Variants in RBFOX1 observed in about 807,000 individuals in gnomAD.
The protein encoded by RBFOX1 is RNA binding protein fox-1 homolog 1.
In RBFOX1, 8 loss-of-function variants were observed where a neutral mutation model predicts 57.7. The observed-to-expected ratio is 0.14, with a 90% CI of 0.08 to 0.25. The LOEUF is 0.25. Among genes scored for constraint, RBFOX1 ranks in the 10% least tolerant of loss-of-function variants. The pLI is 1.00. For missense variants in RBFOX1, 611 were observed against 548.5 expected (o/e 1.11, Z -1.14); for synonymous variants, 326 against 222.4 (o/e 1.47, Z -4.15).
chr16:6,819,621 C>T (rs1003950619), intron 3 of RBFOX1, among the ~76,000 whole-genome samples: 1 of 134,916 alleles, frequency 7.4e-6, no homozygotes, highest in Admixed American at 8.5e-5. Flanking sequence ...AGGAGAATTG[C>T]TTGAACCTGG....
At chr16:7,463,676 T>G (rs1230822491) in intron 4 of RBFOX1, among the ~76,000 whole-genome samples, 2 of 152,142 alleles carry the variant, frequency 1.3e-5, no homozygotes. Flanking sequence ...CTTTGCCATG[T>G]AAGGTAACAT....
rs867256056 is a variant in RBFOX1, at chr16:7,436,204, C to G, written c.28-81943C>G. ...TTATATTTTTTCAGTAGAAGTCATT[C>G]TATTCTTATTGTTTTTGTTTTTATT... On this transcript the variant is annotated intron_variant, in intron 4 of 15. Coordinates refer to ENST00000550418, the MANE Select transcript of RBFOX1 (RefSeq NM_018723.4). Among the ~76,000 whole-genome samples the G allele has an allele frequency of 3.3e-5, 5 of 152,106 alleles. No individual in the cohort carries two copies. In the South Asian group the frequency reaches 6.2e-4, roughly 19 times the overall value.
chr16:7,221,950 C>A (rs1440038806), intron 4 of RBFOX1, among the ~76,000 whole-genome samples: 1 of 152,184 alleles, frequency 6.6e-6, no homozygotes, highest in Non-Finnish European at 1.5e-5. Flanking sequence ...GAAGAGGCTT[C>A]TAAGTCTTGG....
intron 4 of RBFOX1, among the ~76,000 whole-genome samples, chr16:7,250,193 G>A (rs1375989699): frequency 6.6e-6 from 1 of 152,132 alleles, no homozygotes; most frequent in Non-Finnish European, 1.5e-5. Flanking sequence ...AAATTCAAAT[G>A]TGGTGTTTCT....
At chr16:5,593,991 G>C (rs1363903147) in intron 2 of RBFOX1, among the ~76,000 whole-genome samples, 1 of 151,356 alleles carries the variant, frequency 6.6e-6, no homozygotes, top group African/African-American at 2.4e-5. Context: ...CCCCCATCCT[G>C]CCCCCACACC....
At chr16:5,694,256 C>T (rs887678944) in intron 3 of RBFOX1, among the ~76,000 whole-genome samples, 1 of 152,134 alleles carries the variant, frequency 6.6e-6, no homozygotes, top group African/African-American at 2.4e-5. Flanking sequence ...GCCTCAATTT[C>T]CAAGACTGTG....
intron 3 of RBFOX1, among the ~76,000 whole-genome samples, chr16:5,652,666 G>A (rs564070655): frequency 2.6e-5 from 4 of 152,230 alleles, no homozygotes; most frequent in African/African-American, 9.6e-5. Context: ...TGGGAAAATG[G>A]GTGCAGGAAC....
intron 3 of RBFOX1, among the ~76,000 whole-genome samples, chr16:6,764,498 G>A (rs540696934): frequency 3.3e-5 from 5 of 152,198 alleles, no homozygotes; most frequent in African/African-American, 7.2e-5. Flanking sequence ...TTCATCCCAC[G>A]GATGCTTATT....
intron 2 of RBFOX1, among the ~76,000 whole-genome samples, chr16:5,527,601 T>G (rs66535433): frequency 0.3 from 45,012 of 152,126 alleles, 7,330 homozygotes; most frequent in Non-Finnish European, 0.36. Context: ...CTAATTAACA[T>G]GTACATTATT....
intron 2 of RBFOX1, among the ~76,000 whole-genome samples, chr16:6,570,730 G>C (rs531089155): frequency 2.0e-5 from 3 of 152,290 alleles, no homozygotes; most frequent in East Asian, 3.9e-4. Context: ...AGTTATAGCA[G>C]ATGGCAGAAT....
At chr16:6,281,920 T>C (rs79193726) in intron 1 of RBFOX1, among the ~76,000 whole-genome samples, 1,729 of 151,916 alleles carry the variant, frequency 0.011, 24 homozygotes, top group Middle Eastern at 0.044. Context: ...CTGAGTTGAA[T>C]AGAGAGAAAA....
chr16:7,338,758 A>T (rs1218712194), intron 4 of RBFOX1, among the ~76,000 whole-genome samples: 1 of 152,228 alleles, frequency 6.6e-6, no homozygotes, highest in Non-Finnish European at 1.5e-5. Context: ...AACCATCCTT[A>T]TAGAAAGATA....
intron 4 of RBFOX1, among the ~76,000 whole-genome samples, chr16:7,144,802 C>G (rs188735312): frequency 2.6e-4 from 40 of 152,240 alleles, no homozygotes; most frequent in Non-Finnish European, 8.8e-5. Context: ...GCAAATCAAG[C>G]TATGGAATAA....
At chr16:5,627,396 C>T (rs928672013) in intron 3 of RBFOX1, among the ~76,000 whole-genome samples, 5 of 151,232 alleles carry the variant, frequency 3.3e-5, no homozygotes, top group Non-Finnish European at 5.9e-5. Context: ...GCAATTTTGC[C>T]TTTTAACCAT....
intron 4 of RBFOX1, among the ~76,000 whole-genome samples, chr16:5,896,560 T>C (rs900134631): frequency 6.6e-6 from 1 of 152,218 alleles, no homozygotes; most frequent in Non-Finnish European, 1.5e-5. Context: ...GGTGCCATGC[T>C]TCTTGTACAG....
intron 3 of RBFOX1, among the ~76,000 whole-genome samples, chr16:6,740,294 C>A (rs925063906): frequency 3.9e-5 from 6 of 152,160 alleles, no homozygotes; most frequent in Non-Finnish European, 7.3e-5. Flanking sequence ...AAAAAACCTA[C>A]ATCTAATATT....
chr16:5,422,406 TAGGGAGAGGAAGGAGG>T (rs2067361852), intron 1 of RBFOX1, among the ~76,000 whole-genome samples: 1 of 53,724 alleles, frequency 1.9e-5, no homozygotes, highest in South Asian at 6.6e-4. Flanking sequence ...GGAAGAGGCG[TAGGGAGAGGAAGGAGG>T]AGGGAGAGGG....
chr16:6,565,237 T>C (rs966640915), intron 2 of RBFOX1, among the ~76,000 whole-genome samples: 1 of 150,318 alleles, frequency 6.7e-6, no homozygotes, highest in African/African-American at 2.4e-5. Flanking sequence ...CCCCCAAATG[T>C]GAAATGACTT....
chr16:6,498,085 C>G (rs933166740), intron 2 of RBFOX1, among the ~76,000 whole-genome samples: 1 of 151,612 alleles, frequency 6.6e-6, no homozygotes, highest in Non-Finnish European at 1.5e-5. Context: ...CCCGTCTCTA[C>G]TTAAAATGTT....
Sources: gnomAD v4.1 joint callset for allele counts (sites outside exome capture counted in the v4.1 genomes callset) on GRCh38, gnomAD v4.1.1 for gene constraint, MANE v1.5 for transcripts, NCBI Gene and HGNC (gene_info 2026-07-23, HGNC 2026-07-21) for gene names.